Variants in RASEF observed in about 807,000 individuals in gnomAD.
RASEF encodes ras and EF-hand domain-containing protein.
RASEF carries 68 observed loss-of-function variants against 90.1 expected under a neutral mutation model. The observed-to-expected ratio is 0.75, with a 90% CI of 0.62 to 0.92. The LOEUF (loss-of-function observed/expected upper bound fraction) is 0.92, where lower values mean the gene tolerates loss of function less well. Among genes scored for constraint, RASEF ranks in the 40% least tolerant of loss-of-function variants. The pLI, the probability that RASEF is intolerant of heterozygous loss-of-function variation, is 0.00. For missense variants in RASEF, 949 were observed against 937.2 expected (o/e 1.01, Z -0.16); for synonymous variants, 331 against 345.2 (o/e 0.96, Z 0.46).
chr9:82,982,399 C>CTTT lies in RASEF; in HGVS notation c.*275_*277dup, dbSNP rs200364661. 5.6e-6 allele frequency: 1 copy of CTTT among 177,650 alleles called. No homozygotes were observed. Among genetic ancestry groups the CTTT allele is most frequent in the African/African-American group, 2.7e-5 (1 of 37,046 alleles). 11.0% of individuals were successfully genotyped at this position (177,650 alleles called of 1,614,324 possible). A position where few individuals can be genotyped will look rare whatever the true frequency, so the allele number is the denominator to read the frequency against. ...CTGAGCATGTGATTTCTTTTCTTTT[C>CTTT]TTTTTTTTTACCATTTTAAAAACAT... On this transcript the variant is annotated 3_prime_UTR_variant, in exon 17 of 17. Coordinates refer to ENST00000376447, the MANE Select transcript of RASEF (RefSeq NM_152573.4).
the RASEF span, among the ~76,000 whole-genome samples, chr9:83,128,479 T>TG: frequency 6.7e-6 from 1 of 150,042 alleles, no homozygotes; most frequent in Non-Finnish European, 1.5e-5. Context: ...TTTTTTTTTT[T>TG]GCATACTCAC....
chr9:83,188,674 A>T, the RASEF span, among the ~76,000 whole-genome samples: 3 of 152,228 alleles, frequency 2.0e-5, no homozygotes, highest in Admixed American at 6.5e-5. Flanking sequence ...CATACCGGAC[A>T]GAGACCAGGA....
chr9:83,075,493 A>G, the RASEF span, among the ~76,000 whole-genome samples: 4 of 152,200 alleles, frequency 2.6e-5, no homozygotes, highest in Admixed American at 6.5e-5. Flanking sequence ...AGGCATGTCA[A>G]CATTTCCTAT....
chr9:83,101,786 C>T, the RASEF span, among the ~76,000 whole-genome samples: 1 of 152,100 alleles, frequency 6.6e-6, no homozygotes, highest in East Asian at 1.9e-4. Context: ...CTGGTCACAA[C>T]ACTTTCATCA....
chr9:83,089,882 T>C, the RASEF span, among the ~76,000 whole-genome samples: 1 of 147,916 alleles, frequency 6.8e-6, no homozygotes, highest in Non-Finnish European at 1.5e-5. Context: ...TCTGGGACTT[T>C]ATAGATAGAT....
At chr9:83,214,324 G>A in the RASEF span, among the ~76,000 whole-genome samples, 1 of 152,150 alleles carries the variant, frequency 6.6e-6, no homozygotes. Flanking sequence ...GGCAGAGGTT[G>A]GAATGAGTCA....
rs1347325524 is a variant in RASEF, at chr9:82,990,555, T to C, written c.2041-88A>G. 3.2e-5 allele frequency: 29 copies of C among 901,286 alleles called. No individual in the cohort carries two copies. The South Asian group carries it at 4.0e-4, about 12-fold the overall frequency. 55.8% of individuals were successfully genotyped at this position (901,286 alleles called of 1,614,324 possible). A position where few individuals can be genotyped will look rare whatever the true frequency, so the allele number is the denominator to read the frequency against. On this transcript the variant is annotated intron_variant, in intron 15 of 16. Coordinates refer to ENST00000376447, the MANE Select transcript of RASEF (RefSeq NM_152573.4). The stretch of plus-strand genomic sequence containing the variant: ...TTTTAAAATCAGTAAAATAAAAATA[T>C]GTTCCTACTGAGCATGCTAAGAGTA...
intron 1 of RASEF, among the ~76,000 whole-genome samples, chr9:83,030,046 C>A (rs545381589): frequency 6.6e-6 from 1 of 152,132 alleles, no homozygotes; most frequent in African/African-American, 2.4e-5. Flanking sequence ...TTAATAGAAC[C>A]CTGCCTGTCA....
the RASEF span, among the ~76,000 whole-genome samples, chr9:83,147,683 A>T: frequency 6.6e-6 from 1 of 152,070 alleles, no homozygotes; most frequent in Non-Finnish European, 1.5e-5. Flanking sequence ...TTAAATGTTA[A>T]CCAGCTCAGT....
chr9:83,167,181 T>TAAA, the RASEF span, among the ~76,000 whole-genome samples: 1 of 151,986 alleles, frequency 6.6e-6, no homozygotes, highest in African/African-American at 2.4e-5. Context: ...ATCAGACTTT[T>TAAA]GAGTCTCAAA....
the RASEF span, among the ~76,000 whole-genome samples, chr9:83,126,438 A>G: frequency 6.6e-6 from 1 of 152,178 alleles, no homozygotes; most frequent in Non-Finnish European, 1.5e-5. Flanking sequence ...TTGCTTTTCA[A>G]GCTACCTAGT....
At position 82,993,035 on chromosome 9, in the gene RASEF, A is replaced by G. The variant is rs766640255; in HGVS notation, c.1921-10T>C. On this transcript the variant is annotated splice_polypyrimidine_tract_variant and intron_variant, in intron 14 of 16. Coordinates refer to ENST00000376447, the MANE Select transcript of RASEF (RefSeq NM_152573.4). ...TCTCATGGGCTGCATCCTACCAGGA[A>G]GAAAAAAAAAATGGGGCACACATCA... is the stretch of plus-strand genomic sequence containing the variant. 9 of 1,610,226 alleles carry G rather than the reference A, an allele frequency of 5.6e-6. No homozygotes were observed. The highest frequency in any genetic ancestry group is 7.6e-6 in the Non-Finnish European group (9 of 1,178,824).
At chr9:83,216,425 C>T in the RASEF span, among the ~76,000 whole-genome samples, 5 of 152,154 alleles carry the variant, frequency 3.3e-5, no homozygotes, top group East Asian at 3.9e-4. Flanking sequence ...TAACAGGGCC[C>T]AAGGTACAGC....
the RASEF span, among the ~76,000 whole-genome samples, chr9:83,172,416 A>AT: frequency 2.7e-5 from 4 of 150,624 alleles, no homozygotes; most frequent in African/African-American, 7.3e-5. Context: ...TCATTTTGTT[A>AT]TTTTTTTTCT....
chr9:83,089,419 C>A, the RASEF span, among the ~76,000 whole-genome samples: 63,237 of 151,920 alleles, frequency 0.42, 13,393 homozygotes, highest in East Asian at 0.61. Context: ...TATCTAATAT[C>A]CTTTAATTTC....
the RASEF span, among the ~76,000 whole-genome samples, chr9:83,183,412 A>T: frequency 1.3e-5 from 2 of 152,178 alleles, no homozygotes; most frequent in Admixed American, 6.5e-5. Flanking sequence ...TTTAGATAAG[A>T]GTTCCTTGTA....
the RASEF span, among the ~76,000 whole-genome samples, chr9:83,139,428 T>A: frequency 6.6e-6 from 1 of 152,186 alleles, no homozygotes; most frequent in Non-Finnish European, 1.5e-5. Flanking sequence ...ACTGATAACA[T>A]AAACAGTTGA....
At chr9:83,134,891 T>C in the RASEF span, among the ~76,000 whole-genome samples, 130 of 152,260 alleles carry the variant, frequency 8.5e-4, 1 homozygote, top group African/African-American at 3.1e-3. Flanking sequence ...CTCTATATCA[T>C]GAAAATATTC....
At chr9:83,187,481 T>G in the RASEF span, among the ~76,000 whole-genome samples, 1 of 152,138 alleles carries the variant, frequency 6.6e-6, no homozygotes, top group Admixed American at 6.5e-5. Context: ...TACAGTGACC[T>G]TGATGATAAA....
Sources: allele counts gnomAD v4.1 joint callset (sites outside exome capture counted in the v4.1 genomes callset), GRCh38; gene constraint gnomAD v4.1.1; transcripts MANE v1.5; gene names NCBI Gene and HGNC (gene_info 2026-07-23, HGNC 2026-07-21).